Variants in USP7 observed in about 807,000 individuals in gnomAD.
USP7 encodes the protein ubiquitin specific peptidase 7.
Under a neutral mutation model 162.9 loss-of-function variants are expected in USP7, and 9 were observed. The observed-to-expected ratio is 0.06, with a 90% CI of 0.03 to 0.10. The LOEUF (loss-of-function observed/expected upper bound fraction) is 0.10, where lower values mean the gene tolerates loss of function less well. USP7 is among the 10% of genes least tolerant of loss of function. The pLI, the probability that USP7 is intolerant of heterozygous loss-of-function variation, is 1.00. For synonymous variants in USP7, 562 were observed against 475.9 expected (o/e 1.18, Z -2.35); for missense variants, 715 against 1,373.7 (o/e 0.52, Z 7.58).
chr16:8,901,907 C>G, intron 18 of USP7, 175 bp downstream of exon 18: 1 of 623,680 alleles, frequency 1.6e-6, no homozygotes, highest in South Asian at 2.0e-5. Flanking sequence ...TCACAGGAAA[C>G]TCGCAGCCAA....
chr16:8,894,254 C>T, intron 30 of USP7, 150 bp from the exon 31 acceptor site: 1 of 747,248 alleles, frequency 1.3e-6, no homozygotes, highest in African/African-American at 1.7e-5. Context: ...CCACCTGGAG[C>T]TAAGGAGGCC....
intron 1 of USP7, among the ~76,000 whole-genome samples, chr16:8,951,602 T>G (rs1425721512): frequency 6.6e-6 from 1 of 152,214 alleles, no homozygotes; most frequent in African/African-American, 2.4e-5. Context: ...CCTGAGCGCA[T>G]GAGGCTATAC....
At chr16:8,905,166 A>ACTCACT in intron 14 of USP7, 21 bp downstream of exon 14, 1 of 1,610,608 alleles carries the variant, frequency 6.2e-7, no homozygotes, top group Non-Finnish European at 8.5e-7. Flanking sequence ...AAAGAACAGA[A>ACTCACT]CAAAAGTGAA....
chr16:8,930,868 C>T (rs1458360830), intron 1 of USP7, among the ~76,000 whole-genome samples: 14 of 151,824 alleles, frequency 9.2e-5, no homozygotes, highest in Admixed American at 6.6e-5. Flanking sequence ...ATTTGGCAGG[C>T]TGAGGAATGA....
chr16:8,920,908 C>T (rs947385463), intron 4 of USP7, among the ~76,000 whole-genome samples: 12 of 152,206 alleles, frequency 7.9e-5, no homozygotes, highest in African/African-American at 2.7e-4. Context: ...AGCATTATGT[C>T]TTTTAAAGGA....
chr16:8,919,252 C>G, intron 5 of USP7, 113 bp from the exon 6 acceptor site: 3 of 971,488 alleles, frequency 3.1e-6, no homozygotes, highest in Non-Finnish European at 4.9e-6. Flanking sequence ...GCCAGGAACA[C>G]TTATCACACA....
chr16:8,911,862 T>TG (rs1162573868), intron 10 of USP7, among the ~76,000 whole-genome samples: 4 of 152,112 alleles, frequency 2.6e-5, no homozygotes, highest in Non-Finnish European at 4.4e-5. Context: ...GGATGAGGAT[T>TG]GGGGGGAACA....
intron 6 of USP7, among the ~76,000 whole-genome samples, chr16:8,917,536 G>A (rs931954735): frequency 1.3e-5 from 2 of 151,864 alleles, no homozygotes; most frequent in African/African-American, 2.4e-5. Context: ...GCACCACCAC[G>A]CCAGGCTAAT....
chr16:8,963,146 C>A, intron 1 of USP7, 61 bp downstream of exon 1: 1 of 1,327,144 alleles, frequency 7.5e-7, no homozygotes, highest in South Asian at 1.5e-5. Context: ...GCTCCCGCGG[C>A]TCCCCCGGCC....
At chr16:8,915,185 G>A in intron 10 of USP7, 69 bp downstream of exon 10, 1 of 1,386,414 alleles carries the variant, frequency 7.2e-7, no homozygotes, top group South Asian at 1.3e-5. Context: ...CATCACTTGT[G>A]TAAATGAAAC....
rs764858801 is a variant in USP7, at chr16:8,901,161, T to C, written c.2121A>G (p.Thr707=). The change falls in exon 19 of 31, where the codon ACA becomes ACG. Residue 707 remains threonine, a synonymous_variant. Coordinates refer to ENST00000344836, the MANE Select transcript of USP7 (RefSeq NM_003470.3). ...RSLNYCGHIY[T]PISCKIRDLL... is the part of the protein sequence containing the mutation. ...ACTTACGTATTTTACAGGATATTGG[T>C]GTGTAGATATGCCCACAGTAATTCA... 2 of 1,614,010 alleles carry C rather than the reference T, an allele frequency of 1.2e-6. No individual in the cohort carries two copies. The highest frequency in any genetic ancestry group is 8.5e-7 in the Non-Finnish European group (1 of 1,179,888).
intron 8 of USP7, among the ~76,000 whole-genome samples, chr16:8,916,128 G>A (rs1897356067): frequency 1.3e-5 from 2 of 152,206 alleles, no homozygotes; most frequent in South Asian, 2.1e-4. Flanking sequence ...CGCTGCACAG[G>A]AGGGGTCTGG....
intron 10 of USP7, among the ~76,000 whole-genome samples, chr16:8,912,744 C>A (rs1051382905): frequency 1.3e-5 from 2 of 150,124 alleles, no homozygotes; most frequent in Non-Finnish European, 3.0e-5. Flanking sequence ...CCTAACACAG[C>A]AAGACCTTGT....
At chr16:8,960,238 C>T (rs549509388) in intron 1 of USP7, among the ~76,000 whole-genome samples, 1 of 152,332 alleles carries the variant, frequency 6.6e-6, no homozygotes, top group African/African-American at 2.4e-5. Flanking sequence ...ATGCAACTGG[C>T]TGCTTCAGGC....
intron 4 of USP7, among the ~76,000 whole-genome samples, chr16:8,920,946 A>G (rs1897659504): frequency 6.6e-6 from 1 of 152,226 alleles, no homozygotes; most frequent in Non-Finnish European, 1.5e-5. Context: ...ACTCCCTTTG[A>G]ATGTCTGACT....
In USP7 at chr16:8,927,543, T is replaced by A. The variant is rs1026903768; in HGVS notation, c.184+2750A>T. Among the ~76,000 whole-genome samples the A allele has an allele frequency of 1.6e-4, 25 of 152,144 alleles. 1 individual carries two copies. The highest frequency in any genetic ancestry group is 1.2e-3 in the Admixed American group (18 of 15,268). ...GATCCATCTAGATCTTCAGAGGCCG[T>A]ATTTGCTCTAAAACTTCCTTGGTGG... On this transcript the variant is annotated intron_variant, in intron 2 of 30. Coordinates refer to ENST00000344836, the MANE Select transcript of USP7 (RefSeq NM_003470.3).
intron 7 of USP7, 110 bp downstream of exon 7, chr16:8,916,916 T>G: frequency 6.3e-6 from 8 of 1,271,154 alleles, no homozygotes; most frequent in Non-Finnish European, 7.3e-6. Context: ...CCTCCCTAAA[T>G]TAAGTGCCTA....
chr16:8,931,527 T>C (rs1054802178), intron 1 of USP7, among the ~76,000 whole-genome samples: 19 of 152,228 alleles, frequency 1.2e-4, no homozygotes, highest in African/African-American at 4.3e-4. Flanking sequence ...ACAATTCCTG[T>C]ATAATTATGT....
At chr16:8,911,234 CAG>C (rs1447497388) in intron 10 of USP7, among the ~76,000 whole-genome samples, 4 of 152,200 alleles carry the variant, frequency 2.6e-5, no homozygotes, top group East Asian at 3.8e-4. Context: ...TCGATTTCCT[CAG>C]AGGTCAACAC....
Sources: allele counts gnomAD v4.1 joint callset (sites outside exome capture counted in the v4.1 genomes callset), GRCh38; gene constraint gnomAD v4.1.1; transcripts MANE v1.5; gene names NCBI Gene and HGNC (gene_info 2026-07-23, HGNC 2026-07-21).